Variants in CD46 observed in about 807,000 individuals in gnomAD.
CD46 encodes the protein membrane cofactor protein.
In CD46, 30 loss-of-function variants were observed where a neutral mutation model predicts 53.3. The observed-to-expected ratio is 0.56, with a 90% CI of 0.42 to 0.76. The LOEUF (loss-of-function observed/expected upper bound fraction) is 0.76, where lower values mean the gene tolerates loss of function less well. Ranked by LOEUF, CD46 falls within the 30% of genes least tolerant of loss-of-function variation. CD46 has a pLI of 0.00. For synonymous variants in CD46, 142 were observed against 152.0 expected (o/e 0.93, Z 0.48); for missense variants, 409 against 463.0 (o/e 0.88, Z 1.07).
At chr1:207,782,883 G>C (rs1658909087) in intron 8 of CD46, among the ~76,000 whole-genome samples, 1 of 150,266 alleles carries the variant, frequency 6.7e-6, no homozygotes. Flanking sequence ...TCGAACTCCT[G>C]ACCTCGTGAT....
In CD46 at chr1:207,752,889, AGCTCAACTGTTT is replaced by A. The variant is rs1227866101; in HGVS notation, c.97+584_97+595del. Reference sequence around the variant, plus strand: ...GTGCAGAGTTCACTGTGGGCAAGACAGCTCAACTGTTTGCTTTGAATGGAGTGAGCGCGGACT... The same window carrying A: ...GTGCAGAGTTCACTGTGGGCAAGACAGCTTTGAATGGAGTGAGCGCGGACT... On this transcript the variant is annotated intron_variant, in intron 1 of 12. Coordinates refer to ENST00000367042, the MANE Select transcript of CD46 (RefSeq NM_172351.3). The surrounding 1 kb of genome is among the most constrained non-coding windows in gnomAD (Gnocchi z 4.1). Among the ~76,000 whole-genome samples the A allele has an allele frequency of 6.6e-6, 1 of 151,888 alleles. No homozygotes were observed. Among genetic ancestry groups the A allele is most frequent in the Non-Finnish European group, 1.5e-5 (1 of 67,990 alleles).
Position 207,752,283 on chromosome 1 carries a change from T to C in CD46, c.71T>C (p.Met24Thr), listed in dbSNP as rs1295405623. 39 of 1,613,950 alleles carry C rather than the reference T, an allele frequency of 2.4e-5. No individual in the cohort carries two copies. The highest frequency in any genetic ancestry group is 1.6e-4 in the Middle Eastern group (1 of 6,082). Reference sequence around the variant, plus strand: ...TTTCCTGGGTTGCTTCTGGCGGCCATGGTGTTGCTGCTGTACTCCTTCTCC... The same window carrying C: ...TTTCCTGGGTTGCTTCTGGCGGCCACGGTGTTGCTGCTGTACTCCTTCTCC... ...WRFPGLLLAA[M>T]VLLLYSFSDA... The change falls in exon 1 of 13, where the codon ATG becomes ACG. Residue 24 changes from methionine (M) to threonine (T), a missense_variant. Coordinates refer to ENST00000367042, the MANE Select transcript of CD46 (RefSeq NM_172351.3). The surrounding 1 kb of genome is among the most constrained non-coding windows in gnomAD (Gnocchi z 4.1).
At chr1:207,783,623 C>T (rs1235792404) in intron 9 of CD46, 4 of 247,532 alleles carry the variant, frequency 1.6e-5, no homozygotes, top group African/African-American at 9.0e-5. Context: ...TGATTTAACA[C>T]ACTTGATGTA....
intron 8 of CD46, among the ~76,000 whole-genome samples, chr1:207,782,843 C>T (rs1457662453): frequency 7.4e-5 from 11 of 147,780 alleles, no homozygotes; most frequent in Admixed American, 4.0e-4. Context: ...TTAGTAGAGA[C>T]GGGGTGTCAC....
chr1:207,773,674 G>GGTT (rs1254772513), intron 8 of CD46, among the ~76,000 whole-genome samples: 1 of 152,094 alleles, frequency 6.6e-6, no homozygotes, highest in Non-Finnish European at 1.5e-5. Context: ...TTCAAGAGCA[G>GGTT]GTTGTTCAGT....
At chr1:207,757,229 T>C (rs1300276850) in intron 2 of CD46, 27 bp downstream of exon 2, 17 of 1,564,016 alleles carry the variant, frequency 1.1e-5, no homozygotes, top group Non-Finnish European at 1.5e-5. Flanking sequence ...CTTTTTTTTT[T>C]CTGCTTGCTC....
intron 8 of CD46, among the ~76,000 whole-genome samples, chr1:207,777,343 A>G (rs1329861477): frequency 6.6e-6 from 1 of 152,088 alleles, no homozygotes; most frequent in Non-Finnish European, 1.5e-5. Context: ...TTTTTTAAAA[A>G]GTTTTATTTT....
rs760165779 is a variant in CD46, at chr1:207,752,264, G to C, written c.52G>C (p.Gly18Arg). 3.1e-6 allele frequency: 5 copies of C among 1,614,048 alleles called. No homozygotes were observed. The African/African-American group carries it at 6.7e-5, about 22-fold the overall frequency. The stretch of plus-strand genomic sequence containing the variant: ...TCCCTTTCCTTCCTGGCGCTTTCCT[G>C]GGTTGCTTCTGGCGGCCATGGTGTT... ...ECPFPSWRFP[G>R]LLLAAMVLLL... Residue 18 changes from glycine (G) to arginine (R), a missense_variant, in exon 1 of 13, where the codon GGG (glycine) becomes CGG (arginine). Physicochemically the swap from Gly to Arg is moderately radical, Grantham distance 125. Coordinates refer to ENST00000367042, the MANE Select transcript of CD46 (RefSeq NM_172351.3). This position sits in a 1 kb window ranked among gnomAD's most constrained non-coding sequence, Gnocchi z 4.1.
chr1:207,756,520 C>A (rs968494352), intron 1 of CD46, among the ~76,000 whole-genome samples: 2 of 152,138 alleles, frequency 1.3e-5, no homozygotes, highest in African/African-American at 4.8e-5. Context: ...TGTGCACCCA[C>A]AAGGTGAGTA....
At chr1:207,755,372 A>G (rs1655414135) in intron 1 of CD46, among the ~76,000 whole-genome samples, 1 of 152,242 alleles carries the variant, frequency 6.6e-6, no homozygotes, top group Non-Finnish European at 1.5e-5. Flanking sequence ...GATGCTAGGC[A>G]GAGAGAATAC....
chr1:207,770,412 T>C (rs1329779029), intron 8 of CD46, 50 bp downstream of exon 8: 1 of 1,289,500 alleles, frequency 7.8e-7, no homozygotes. Context: ...TATTTATTTA[T>C]TTTTATTATA....
chr1:207,791,179 T>G (rs991254273), intron 12 of CD46, among the ~76,000 whole-genome samples: 21 of 152,192 alleles, frequency 1.4e-4, no homozygotes, highest in African/African-American at 4.8e-4. Flanking sequence ...CTATATACAG[T>G]AGTTCCTTCT....
At chr1:207,758,780 T>G (rs1032808664) in intron 3 of CD46, among the ~76,000 whole-genome samples, 1 of 152,188 alleles carries the variant, frequency 6.6e-6, no homozygotes, top group African/African-American at 2.4e-5. Context: ...TATTGGAATA[T>G]TCAGTTGACA....
chr1:207,781,090 A>G (rs1050659415), intron 8 of CD46, among the ~76,000 whole-genome samples: 2 of 150,962 alleles, frequency 1.3e-5, no homozygotes, highest in African/African-American at 4.9e-5. Flanking sequence ...TGACAATTAA[A>G]TTTCATCATG....
intron 12 of CD46, among the ~76,000 whole-genome samples, chr1:207,793,205 A>G (rs1659966327): frequency 6.6e-6 from 1 of 152,216 alleles, no homozygotes; most frequent in Admixed American, 6.5e-5. Context: ...TCAGGAAAGC[A>G]TGCGTTTGTC....
At chr1:207,777,388 AG>A (rs781406321) in intron 8 of CD46, among the ~76,000 whole-genome samples, 9 of 152,152 alleles carry the variant, frequency 5.9e-5, no homozygotes, top group Non-Finnish European at 1.2e-4. Context: ...TTGTTACATA[AG>A]TAAACGTGTC....
intron 12 of CD46, among the ~76,000 whole-genome samples, chr1:207,793,048 G>A (rs12568382): frequency 0.094 from 14,364 of 152,206 alleles, 925 homozygotes; most frequent in Admixed American, 0.17. Flanking sequence ...AAAGTGTGAC[G>A]TAAACTTTAG....
In CD46 at chr1:207,752,299, C is replaced by T. The variant is rs1196823400; in HGVS notation, c.87C>T (p.Tyr29=). The T allele has an allele frequency of 6.2e-7, 1 of 1,614,022 alleles. No homozygotes were observed. The highest frequency in any genetic ancestry group is 8.5e-7 in the Non-Finnish European group (1 of 1,179,924). The change falls in exon 1 of 13, where the codon TAC becomes TAT. Residue 29 remains tyrosine, a synonymous_variant. Transcript: ENST00000367042. This position sits in a 1 kb window ranked among gnomAD's most constrained non-coding sequence, Gnocchi z 4.1. ...TGGCGGCCATGGTGTTGCTGCTGTACTCCTTCTCCGGTAGGACCCCGGGGC... is the reference window on the plus strand; with the variant it reads ...TGGCGGCCATGGTGTTGCTGCTGTATTCCTTCTCCGGTAGGACCCCGGGGC... The part of the protein sequence containing the change: ...LLLAAMVLLL[Y]SFSDACEEPP...
chr1:207,788,240 G>A lies in CD46; in HGVS notation c.1083-2013G>A, dbSNP rs1410750757. 2.0e-5 allele frequency among the ~76,000 whole-genome samples: 3 copies of A among 151,974 alleles called. No homozygotes were observed. The East Asian group carries it at 5.8e-4, about 29-fold the overall frequency. ...CTTAAAAAACAAAGATTTCCAGCCG[G>A]GCCTGGTGGCTCACGCCTGTAATCC... On this transcript the variant is annotated intron_variant, in intron 11 of 12. Transcript: ENST00000367042.
Sources: gnomAD v4.1 joint callset for allele counts (sites outside exome capture counted in the v4.1 genomes callset) on GRCh38, gnomAD v4.1.1 for gene constraint, Gnocchi (gnomAD v3.1) non-coding constraint, MANE v1.5 for transcripts, NCBI Gene and HGNC (gene_info 2026-07-23, HGNC 2026-07-21) for gene names.